PRDM2: variants seen among roughly 807,000 people sequenced by gnomAD.
PRDM2 encodes the protein PR/SET domain 2.
In PRDM2, 30 loss-of-function variants were observed where a neutral mutation model predicts 130.0. That is an observed-to-expected ratio of 0.23 (90% CI 0.17 to 0.31). The LOEUF is 0.31. Ranked by LOEUF, PRDM2 falls within the 10% of genes least tolerant of loss-of-function variation. The pLI is 1.00. For synonymous variants in PRDM2, 871 were observed against 782.4 expected (o/e 1.11, Z -1.89); for missense variants, 2,011 against 2,108.4 (o/e 0.95, Z 0.90).
chr1:13,737,628 A>T (rs1328420043), intron 4 of PRDM2, among the ~76,000 whole-genome samples: 2 of 152,230 alleles, frequency 1.3e-5, no homozygotes, highest in African/African-American at 4.8e-5. Flanking sequence ...GGATGGCTGT[A>T]GAATTGGTTG....
At chr1:13,794,218 C>G (rs1158754468) in intron 8 of PRDM2, among the ~76,000 whole-genome samples, 2 of 152,170 alleles carry the variant, frequency 1.3e-5, no homozygotes, top group Admixed American at 1.3e-4. Context: ...GAAGGCTGAT[C>G]AGCTGGCACC....
chr1:13,710,621 T>G (rs1642339467), intron 1 of PRDM2, among the ~76,000 whole-genome samples: 1 of 152,186 alleles, frequency 6.6e-6, no homozygotes, highest in Non-Finnish European at 1.5e-5. Flanking sequence ...AGAAGGGATA[T>G]GTTAGACTTA....
chr1:13,714,436 C>T (rs1642473446), intron 1 of PRDM2, among the ~76,000 whole-genome samples: 1 of 151,184 alleles, frequency 6.6e-6, no homozygotes, highest in South Asian at 2.1e-4. Flanking sequence ...TGGAATACAT[C>T]CTTATGCCAA....
chr1:13,779,505 T>C lies in PRDM2; in HGVS notation c.1710T>C (p.Ile570=). The C allele has an allele frequency of 6.2e-7, 1 of 1,614,076 alleles. No homozygotes were observed. Among genetic ancestry groups the C allele is most frequent in the Non-Finnish European group, 8.5e-7 (1 of 1,179,940 alleles). ...TCTCTGAAAACTTAAATTACTATAT[T>C]GATGGTAAAATTCAAACTAATAACA... ...SNISENLNYY[I]DGKIQTNNNT... Residue 570 remains isoleucine (I), a synonymous_variant, in exon 8 of 10, where the codon ATT becomes ATC. Coordinates refer to ENST00000311066, the MANE Select transcript of PRDM2 (RefSeq NM_001393986.1). The surrounding 1 kb of genome is among the most constrained non-coding windows in gnomAD (Gnocchi z 4.9).
Position 13,768,431 on chromosome 1 carries a change from A to G in PRDM2, c.512-4647A>G, listed in dbSNP as rs183547048. Among the ~76,000 whole-genome samples the G allele has an allele frequency of 5.7e-4, 77 of 134,908 alleles. No individual in the cohort carries two copies. In the East Asian group the frequency reaches 0.018, roughly 31 times the overall value. The allele number at this position is 134,908 out of a possible 152,430, so 88.5% of individuals were successfully genotyped here. On this transcript the variant is annotated intron_variant, in intron 6 of 9. Coordinates refer to ENST00000311066, the MANE Select transcript of PRDM2 (RefSeq NM_001393986.1). ...TTTTGCCCTTGTCATTCAGGCTGGA[A>G]TGCAGTGGCACGATCTCGGCTCACT...
chr1:13,799,062 A>G (rs1228715958), intron 8 of PRDM2, among the ~76,000 whole-genome samples: 1 of 152,228 alleles, frequency 6.6e-6, no homozygotes, highest in Non-Finnish European at 1.5e-5. Flanking sequence ...AACAAACACA[A>G]GCACTCCAGG....
chr1:13,823,470 T>C lies in PRDM2; in HGVS notation c.*335T>C. 2.2e-6 allele frequency: 1 copy of C among 463,704 alleles called. No individual in the cohort carries two copies. The highest frequency in any genetic ancestry group is 3.8e-6 in the Non-Finnish European group (1 of 259,884). The allele number at this position is 463,704 out of a possible 1,614,324, so 28.7% of individuals were successfully genotyped here. A position where few individuals can be genotyped will look rare whatever the true frequency, so the allele number is the denominator to read the frequency against. On this transcript the variant is annotated 3_prime_UTR_variant, in exon 10 of 10. Transcript: ENST00000311066. ...TGTTGGGGTGGGGCCTCTCCTACTA[T>C]GCAATTTTTCAAGAGCTCCTTGACC...
rs1387737049 is a variant in PRDM2 at position 13,725,953 on chromosome 1, G to A, written c.10-5047G>A. On this transcript the variant is annotated intron_variant, in intron 2 of 9. Transcript: ENST00000311066. Reference sequence around the variant, plus strand: ...TAGCTTGGGAAAGTTACTCAGCAGGGCTGCTCTGTGGCATAGTATTTGAGA... The same window carrying A: ...TAGCTTGGGAAAGTTACTCAGCAGGACTGCTCTGTGGCATAGTATTTGAGA... 3.3e-5 allele frequency among the ~76,000 whole-genome samples: 5 copies of A among 152,206 alleles called. No homozygotes were observed. The East Asian group carries it at 9.6e-4, about 29-fold the overall frequency.
In PRDM2 at chr1:13,782,615, C is replaced by G; in HGVS notation, c.4820C>G (p.Thr1607Arg). The change falls in exon 8 of 10, where the codon ACA becomes AGA. Residue 1607 changes from threonine to arginine, a missense_variant. By Grantham distance (71) the Thr-to-Arg change is moderately conservative. Coordinates refer to ENST00000311066, the MANE Select transcript of PRDM2 (RefSeq NM_001393986.1). ...CATTCTGCTCAGCTTTCCAGCAAAA[C>G]ATCACGGAGCCTGCACGTGAGGGTA... ...KNHSAQLSSK[T>R]SRSLHVRVQK... 6.2e-7 allele frequency: 1 copy of G among 1,614,138 alleles called. No individual in the cohort carries two copies. The highest frequency in any genetic ancestry group is 1.1e-5 in the South Asian group (1 of 91,088).
chr1:13,733,479 C>T (rs962419077), intron 4 of PRDM2, among the ~76,000 whole-genome samples: 14 of 152,146 alleles, frequency 9.2e-5, no homozygotes, highest in Admixed American at 3.9e-4. Flanking sequence ...GGGCTCCACC[C>T]GGGAGGCCTG....
intron 8 of PRDM2, among the ~76,000 whole-genome samples, chr1:13,808,475 A>G (rs79440942): frequency 2.6e-5 from 4 of 152,014 alleles, no homozygotes; most frequent in South Asian, 2.1e-4. Flanking sequence ...AAAAAAAAAA[A>G]AAAAAAAACA....
chr1:13,773,380 A>C, intron 7 of PRDM2, 192 bp downstream of exon 7: 1 of 383,768 alleles, frequency 2.6e-6, no homozygotes, highest in Non-Finnish European at 4.8e-6. Flanking sequence ...ACAATTGTGA[A>C]AGACTTTTCT....
At chr1:13,754,009 T>C (rs1447771087) in intron 6 of PRDM2, among the ~76,000 whole-genome samples, 2 of 152,052 alleles carry the variant, frequency 1.3e-5, no homozygotes, top group African/African-American at 2.4e-5. Context: ...GTAAACCTTG[T>C]CATGTCAGTA....
intron 6 of PRDM2, among the ~76,000 whole-genome samples, chr1:13,755,117 G>A (rs375958971): frequency 2.0e-5 from 3 of 152,068 alleles, no homozygotes; most frequent in African/African-American, 2.4e-5. Flanking sequence ...GTAGGAGTTC[G>A]GGAATTATAA....
At chr1:13,752,696 C>G (rs898894028) in intron 6 of PRDM2, among the ~76,000 whole-genome samples, 4 of 152,104 alleles carry the variant, frequency 2.6e-5, no homozygotes, top group Non-Finnish European at 2.9e-5. Context: ...AGAGCCTTAA[C>G]CTGAAGTTCT....
intron 1 of PRDM2, among the ~76,000 whole-genome samples, chr1:13,707,651 C>G (rs1203772274): frequency 6.6e-6 from 1 of 152,150 alleles, no homozygotes; most frequent in East Asian, 1.9e-4. Context: ...TAGTTCTCAT[C>G]AGAGAGCAAG....
intron 8 of PRDM2, among the ~76,000 whole-genome samples, chr1:13,799,201 T>C (rs1355256409): frequency 6.6e-6 from 1 of 152,130 alleles, no homozygotes; most frequent in Non-Finnish European, 1.5e-5. Context: ...CCTAGCACTT[T>C]GGGAGGCCAA....
chr1:13,775,972 T>C (rs34451654), intron 7 of PRDM2, among the ~76,000 whole-genome samples: 9 of 152,306 alleles, frequency 5.9e-5, no homozygotes, highest in Admixed American at 3.9e-4. Flanking sequence ...TAATTTACAG[T>C]GTTCTCTATG....
chr1:13,726,532 G>A (rs144423423), intron 2 of PRDM2, among the ~76,000 whole-genome samples: 100 of 152,270 alleles, frequency 6.6e-4, no homozygotes, highest in African/African-American at 2.0e-3. Context: ...AATGACTGAC[G>A]GATGGGCTGA....
Sources: allele counts gnomAD v4.1 joint callset (sites outside exome capture counted in the v4.1 genomes callset), GRCh38; gene constraint gnomAD v4.1.1; non-coding constraint Gnocchi (gnomAD v3.1); transcripts MANE v1.5; gene names NCBI Gene and HGNC (gene_info 2026-07-23, HGNC 2026-07-21).